The following IMMP2L variants were observed in gnomAD, a reference collection of about 807,000 sequenced individuals.
IMMP2L encodes mitochondrial inner membrane protease subunit 2.
In IMMP2L, 18 loss-of-function variants were observed where a neutral mutation model predicts 19.3. That is an observed-to-expected ratio of 0.93 (90% CI 0.64 to 1.38). The LOEUF (loss-of-function observed/expected upper bound fraction) is 1.38. IMMP2L is among the 40% of genes most tolerant of loss of function. The pLI, the probability that IMMP2L is intolerant of heterozygous loss-of-function variation, is 0.00. For missense variants in IMMP2L, 233 were observed against 218.2 expected, an observed-to-expected ratio of 1.07 and a Z score of -0.43; for synonymous variants, 76 against 73.0, an observed-to-expected ratio of 1.04 and a Z score of -0.21.
intron 3 of IMMP2L, among the ~76,000 whole-genome samples, chr7:111,050,599 G>C (rs1436141842): frequency 6.6e-6 from 1 of 152,156 alleles, no homozygotes; most frequent in Non-Finnish European, 1.5e-5. Flanking sequence ...TTTTTAAAGT[G>C]ATCTTACAAT....
chr7:111,384,822 AT>A (rs1320390595), intron 3 of IMMP2L, among the ~76,000 whole-genome samples: 2 of 152,132 alleles, frequency 1.3e-5, no homozygotes, highest in African/African-American at 4.8e-5. Flanking sequence ...CATTTTATGT[AT>A]TTTTTTAACT....
intron 5 of IMMP2L, among the ~76,000 whole-genome samples, chr7:110,694,845 A>C (rs142773227): frequency 6.6e-6 from 1 of 152,342 alleles, no homozygotes; most frequent in Non-Finnish European, 1.5e-5. Flanking sequence ...AATGTGATAT[A>C]TATCTATCTA....
chr7:111,390,229 G>C (rs961705055), intron 3 of IMMP2L, among the ~76,000 whole-genome samples: 3 of 152,112 alleles, frequency 2.0e-5, no homozygotes, highest in Non-Finnish European at 4.4e-5. Context: ...GGTAACTTGA[G>C]ACAACTCTGA....
chr7:110,700,887 T>G (rs1025528809), intron 5 of IMMP2L, among the ~76,000 whole-genome samples: 3 of 152,210 alleles, frequency 2.0e-5, no homozygotes, highest in Admixed American at 2.0e-4. Context: ...TAATTTTGTA[T>G]GTGTTCAATT....
At chr7:110,931,972 C>CTTG (rs1563090276) in intron 4 of IMMP2L, among the ~76,000 whole-genome samples, 1 of 152,172 alleles carries the variant, frequency 6.6e-6, no homozygotes, top group Non-Finnish European at 1.5e-5. Context: ...CTACTCCTTT[C>CTTG]TTCTAGCCTG....
chr7:111,271,324 A>G (rs184949167), intron 3 of IMMP2L, among the ~76,000 whole-genome samples: 1 of 152,290 alleles, frequency 6.6e-6, no homozygotes, highest in Admixed American at 6.5e-5. Flanking sequence ...AGTCCTTTAT[A>G]GTACTGTGAG....
At chr7:111,138,461 G>A (rs574310853) in intron 3 of IMMP2L, among the ~76,000 whole-genome samples, 4 of 152,286 alleles carry the variant, frequency 2.6e-5, no homozygotes, top group African/African-American at 9.6e-5. Context: ...GAAGTAGCTT[G>A]TCTTTCTCTT....
chr7:110,772,007 G>C (rs944665147), intron 5 of IMMP2L, among the ~76,000 whole-genome samples: 1 of 152,092 alleles, frequency 6.6e-6, no homozygotes, highest in African/African-American at 2.4e-5. Flanking sequence ...TCCTGGGATC[G>C]GGGCTTTCTT....
At chr7:110,812,247 G>T (rs989311455) in intron 5 of IMMP2L, among the ~76,000 whole-genome samples, 1 of 152,004 alleles carries the variant, frequency 6.6e-6, no homozygotes, top group Non-Finnish European at 1.5e-5. Context: ...CTAACAAATA[G>T]AGAAAATAAT....
At chr7:111,396,420 T>C (rs1329038014) in intron 3 of IMMP2L, among the ~76,000 whole-genome samples, 1 of 152,024 alleles carries the variant, frequency 6.6e-6, no homozygotes, top group Non-Finnish European at 1.5e-5. Flanking sequence ...GAAAACCACA[T>C]GTTCTCACTC....
chr7:111,224,996 G>A (rs951251051), intron 3 of IMMP2L, among the ~76,000 whole-genome samples: 1 of 152,100 alleles, frequency 6.6e-6, no homozygotes, highest in Non-Finnish European at 1.5e-5. Flanking sequence ...AGCACTCACT[G>A]CAACTAGAGT....
chr7:111,156,444 C>T (rs1327117605), intron 3 of IMMP2L, among the ~76,000 whole-genome samples: 1 of 152,034 alleles, frequency 6.6e-6, no homozygotes, highest in Admixed American at 6.6e-5. Context: ...AGTCCTCCAA[C>T]TTTATTCTTC....
At chr7:110,817,383 T>C (rs933707480) in intron 5 of IMMP2L, among the ~76,000 whole-genome samples, 80 of 151,962 alleles carry the variant, frequency 5.3e-4, no homozygotes, top group Non-Finnish European at 1.0e-3. Context: ...GAGAATAAAA[T>C]ACCTAGGAAT....
chr7:110,862,406 C>CAT (rs924585142), intron 5 of IMMP2L, among the ~76,000 whole-genome samples: 30 of 151,830 alleles, frequency 2.0e-4, no homozygotes, highest in African/African-American at 7.3e-4. Flanking sequence ...GTGGCACAAT[C>CAT]ATAGCTCACT....
chr7:111,299,237 G>A (rs537461936), intron 3 of IMMP2L, among the ~76,000 whole-genome samples: 22 of 152,028 alleles, frequency 1.4e-4, no homozygotes, highest in Non-Finnish European at 2.4e-4. Flanking sequence ...TCATAAGTAG[G>A]ATATTATAAC....
chr7:110,848,205 A>G (rs1805854937), intron 5 of IMMP2L, among the ~76,000 whole-genome samples: 1 of 152,146 alleles, frequency 6.6e-6, no homozygotes, highest in Non-Finnish European at 1.5e-5. Context: ...ACTAATTAAA[A>G]CTCAACAATA....
intron 3 of IMMP2L, chr7:111,125,154 G>C (rs1801160068): frequency 2.7e-6 from 1 of 365,196 alleles, no homozygotes; most frequent in African/African-American, 2.1e-5. Flanking sequence ...AAACTTTCAT[G>C]TAACTTTTAT....
At chr7:111,233,782 A>T (rs1272985900) in intron 3 of IMMP2L, among the ~76,000 whole-genome samples, 2 of 152,138 alleles carry the variant, frequency 1.3e-5, no homozygotes, top group East Asian at 3.8e-4. Flanking sequence ...ACATGAAATA[A>T]CTTAAAAACT....
intron 3 of IMMP2L, among the ~76,000 whole-genome samples, chr7:110,977,410 G>T (rs1156571530): frequency 2.0e-5 from 3 of 151,952 alleles, no homozygotes; most frequent in African/African-American, 7.2e-5. Flanking sequence ...AAGCGGCCGA[G>T]CATCTGCTTT....
Sources: allele counts gnomAD v4.1 joint callset (sites outside exome capture counted in the v4.1 genomes callset), GRCh38; gene constraint gnomAD v4.1.1; transcripts MANE v1.5; gene names NCBI Gene and HGNC (gene_info 2026-07-23, HGNC 2026-07-21).